CTNNBL1: variants seen among roughly 807,000 people sequenced by gnomAD.
CTNNBL1 encodes the protein beta-catenin-like protein 1.
In CTNNBL1, 31 loss-of-function variants were observed where a neutral mutation model predicts 72.7. That is an observed-to-expected ratio of 0.43 (90% CI 0.32 to 0.58). The LOEUF is 0.58. Ranked by LOEUF, CTNNBL1 falls within the 20% of genes least tolerant of loss-of-function variation. CTNNBL1 has a pLI of 0.08. For synonymous variants in CTNNBL1, 240 were observed against 267.3 expected (o/e 0.90, Z 1.00); for missense variants, 534 against 725.1 (o/e 0.74, Z 3.03).
intron 11 of CTNNBL1, among the ~76,000 whole-genome samples, chr20:37,819,561 A>G (rs990453570): frequency 1.3e-5 from 2 of 152,240 alleles, no homozygotes; most frequent in Non-Finnish European, 2.9e-5. Flanking sequence ...AAAGTGGTCT[A>G]TGAAGTATTC....
chr20:37,814,417 C>T lies in CTNNBL1; in HGVS notation c.1213+11369C>T, dbSNP rs114381251. On this transcript the variant is annotated intron_variant, in intron 11 of 15. Transcript: ENST00000361383. ...GACCTATCTATCTACCCACTGTATCCACTCTTCTCATGGTTTTCCATACCT... is the reference window on the plus strand; with the variant it reads ...GACCTATCTATCTACCCACTGTATCTACTCTTCTCATGGTTTTCCATACCT... Among the ~76,000 whole-genome samples, 201 of 152,268 alleles carry T rather than the reference C, an allele frequency of 1.3e-3. 1 individual carries two copies. Among genetic ancestry groups the T allele is most frequent in the African/African-American group, 4.6e-3 (191 of 41,532 alleles).
At chr20:37,786,781 TA>T (rs1052116802) in intron 10 of CTNNBL1, among the ~76,000 whole-genome samples, 1 of 152,184 alleles carries the variant, frequency 6.6e-6, no homozygotes, top group Non-Finnish European at 1.5e-5. Flanking sequence ...CATTTCAGGT[TA>T]AAAAATCTCC....
At position 37,840,203 on chromosome 20, in the gene CTNNBL1, G is replaced by C. The variant is rs775257007; in HGVS notation, c.1311+4G>C. ...CACTGAAAATGACAGTGAGAAGGTG[G>C]GTGACTGTTGGACTGTAAAGCTGGG... On this transcript the variant is annotated splice_donor_region_variant and intron_variant, in intron 12 of 15. Transcript: ENST00000361383. The C allele has an allele frequency of 2.5e-6, 4 of 1,599,578 alleles. No individual in the cohort carries two copies. The highest frequency in any genetic ancestry group is 3.3e-5 in the Admixed American group (2 of 59,842).
rs749464064 is a variant in CTNNBL1, at chr20:37,768,063, A to G, written c.750+19A>G. 2 of 1,597,180 alleles carry G rather than the reference A, an allele frequency of 1.3e-6. No homozygotes were observed. Among genetic ancestry groups the G allele is most frequent in the Non-Finnish European group, 1.7e-6 (2 of 1,165,092 alleles). ...GCTGAAGGTGAGTTTGGCTGTGGGGAACTGCAGCTCACACCTGTCTTTGCT... is the reference window on the plus strand; with the variant it reads ...GCTGAAGGTGAGTTTGGCTGTGGGGGACTGCAGCTCACACCTGTCTTTGCT... On this transcript the variant is annotated intron_variant, in intron 7 of 15. Coordinates refer to ENST00000361383, the MANE Select transcript of CTNNBL1 (RefSeq NM_030877.5).
At chr20:37,723,719 G>A (rs1238177929) in intron 1 of CTNNBL1, among the ~76,000 whole-genome samples, 2 of 152,204 alleles carry the variant, frequency 1.3e-5, no homozygotes. Flanking sequence ...TTTGTAAGGT[G>A]TATTGTTTAA....
intron 10 of CTNNBL1, among the ~76,000 whole-genome samples, chr20:37,794,629 A>G (rs2073755296): frequency 6.6e-6 from 1 of 151,630 alleles, no homozygotes; most frequent in Non-Finnish European, 1.5e-5. Context: ...AGTAGCTGGG[A>G]TTACAGGTAC....
intron 11 of CTNNBL1, among the ~76,000 whole-genome samples, chr20:37,835,052 A>G (rs1156511570): frequency 6.6e-6 from 1 of 152,260 alleles, no homozygotes; most frequent in Non-Finnish European, 1.5e-5. Context: ...TGCTTAATTT[A>G]TAAAGAGTTC....
At chr20:37,854,531 G>A (rs1024525134) in intron 13 of CTNNBL1, among the ~76,000 whole-genome samples, 1 of 150,202 alleles carries the variant, frequency 6.7e-6, no homozygotes, top group Non-Finnish European at 1.5e-5. Flanking sequence ...TAAAATGGGG[G>A]TAAGAATCCC....
At chr20:37,763,570 G>A (rs2073437327) in intron 5 of CTNNBL1, among the ~76,000 whole-genome samples, 1 of 152,160 alleles carries the variant, frequency 6.6e-6, no homozygotes, top group Non-Finnish European at 1.5e-5. Flanking sequence ...AAGAGTCCAT[G>A]TTTCAAGATC....
intron 1 of CTNNBL1, among the ~76,000 whole-genome samples, chr20:37,696,316 C>G (rs533578303): frequency 3.9e-5 from 6 of 152,112 alleles, no homozygotes; most frequent in African/African-American, 1.4e-4. Context: ...GTATAGTAGC[C>G]ACTAGGCACA....
intron 11 of CTNNBL1, among the ~76,000 whole-genome samples, chr20:37,831,656 G>A (rs1004831954): frequency 2.6e-5 from 4 of 152,090 alleles, no homozygotes; most frequent in East Asian, 3.9e-4. Context: ...ATGAATGACC[G>A]CACCCAGCTG....
intron 5 of CTNNBL1, 64 bp from the exon 6 acceptor site, chr20:37,765,133 A>C (rs533179207): frequency 9.3e-7 from 1 of 1,074,474 alleles, no homozygotes; most frequent in South Asian, 1.3e-5. Context: ...AAGTATGGGA[A>C]CGGGAACATT....
intron 2 of CTNNBL1, among the ~76,000 whole-genome samples, chr20:37,734,751 A>T (rs891969701): frequency 6.6e-6 from 1 of 152,242 alleles, no homozygotes; most frequent in Non-Finnish European, 1.5e-5. Flanking sequence ...CATCATCAGC[A>T]TTCATCTTTC....
chr20:37,821,669 G>A (rs1018417162), intron 11 of CTNNBL1, among the ~76,000 whole-genome samples: 1 of 152,344 alleles, frequency 6.6e-6, no homozygotes, highest in Non-Finnish European at 1.5e-5. Flanking sequence ...GAATATGTAT[G>A]TTAGCAATAG....
At chr20:37,703,484 T>C (rs2072860396) in intron 1 of CTNNBL1, among the ~76,000 whole-genome samples, 1 of 152,258 alleles carries the variant, frequency 6.6e-6, no homozygotes, top group Admixed American at 6.5e-5. Flanking sequence ...GAATCTTCAC[T>C]AGAATTTGAC....
At position 37,802,848 on chromosome 20, in the gene CTNNBL1, A is replaced by C. The variant is rs373785521; in HGVS notation, c.1032-19A>C. On this transcript the variant is annotated intron_variant, in intron 10 of 15. Transcript: ENST00000361383. ...ATTTCCCCATGAAATACCTTATCTGAAACCTCTTTTGTTCACAGGGAAAAG... is the reference window on the plus strand; with the variant it reads ...ATTTCCCCATGAAATACCTTATCTGCAACCTCTTTTGTTCACAGGGAAAAG... 1 of 1,595,154 alleles carries C rather than the reference A, an allele frequency of 6.3e-7. No homozygotes were observed. The highest frequency in any genetic ancestry group is 1.1e-5 in the South Asian group (1 of 89,004).
intron 13 of CTNNBL1, among the ~76,000 whole-genome samples, chr20:37,843,596 A>G (rs9679781): frequency 0.067 from 10,249 of 152,234 alleles, 415 homozygotes; most frequent in African/African-American, 0.089. Flanking sequence ...CTGCACCTCT[A>G]TCTAGAAGAC....
intron 1 of CTNNBL1, among the ~76,000 whole-genome samples, chr20:37,700,951 T>C (rs2072836223): frequency 1.3e-5 from 2 of 152,210 alleles, no homozygotes; most frequent in Admixed American, 6.5e-5. Context: ...CTAAACTTGC[T>C]CCTTTCCCCC....
At chr20:37,774,532 A>C (rs926916308) in intron 7 of CTNNBL1, among the ~76,000 whole-genome samples, 6 of 152,200 alleles carry the variant, frequency 3.9e-5, no homozygotes, top group Non-Finnish European at 8.8e-5. Flanking sequence ...CTTATATTTT[A>C]ATTTAAAAAT....
Sources: gnomAD v4.1 joint callset for allele counts (sites outside exome capture counted in the v4.1 genomes callset) on GRCh38, gnomAD v4.1.1 for gene constraint, MANE v1.5 for transcripts, NCBI Gene and HGNC (gene_info 2026-07-23, HGNC 2026-07-21) for gene names.